The following WDR70 variants were observed in gnomAD, a reference collection of about 807,000 sequenced individuals.
WDR70 encodes WD repeat-containing protein 70.
A neutral mutation model predicts 88.6 loss-of-function variants in WDR70; 53 were observed. The observed-to-expected ratio is 0.60, with a 90% CI of 0.48 to 0.75. The LOEUF (loss-of-function observed/expected upper bound fraction) is 0.75, where lower values mean the gene tolerates loss of function less well. Ranked by LOEUF, WDR70 falls within the 30% of genes least tolerant of loss-of-function variation. The pLI, the probability that WDR70 is intolerant of heterozygous loss-of-function variation, is 0.00. For missense variants in WDR70, 610 were observed against 823.2 expected (o/e 0.74, Z 3.17); for synonymous variants, 280 against 270.0 (o/e 1.04, Z -0.36).
At chr5:37,432,563 AT>A (rs148199087) in intron 5 of WDR70, among the ~76,000 whole-genome samples, 27,218 of 140,402 alleles carry the variant, frequency 0.19, 5,528 homozygotes, top group African/African-American at 0.52. Context: ...TAATTTTTGT[AT>A]TTTTTTTTTT....
intron 17 of WDR70, among the ~76,000 whole-genome samples, chr5:37,747,008 G>A (rs1748655152): frequency 1.3e-5 from 2 of 152,252 alleles, no homozygotes; most frequent in Non-Finnish European, 1.5e-5. Flanking sequence ...GAACATTGAT[G>A]CAAAAATCCT....
At chr5:37,697,149 A>G (rs1747007662) in intron 10 of WDR70, among the ~76,000 whole-genome samples, 1 of 152,218 alleles carries the variant, frequency 6.6e-6, no homozygotes, top group African/African-American at 2.4e-5. Flanking sequence ...AGCGTTGTGT[A>G]AGGGTTAGCT....
At chr5:37,645,737 T>G (rs961475122) in intron 10 of WDR70, among the ~76,000 whole-genome samples, 2 of 152,164 alleles carry the variant, frequency 1.3e-5, no homozygotes, top group African/African-American at 4.8e-5. Flanking sequence ...TTTCTTTGTC[T>G]CTTACAGTTT....
At chr5:37,564,892 T>C (rs1294628981) in intron 9 of WDR70, among the ~76,000 whole-genome samples, 1 of 152,190 alleles carries the variant, frequency 6.6e-6, no homozygotes, top group Non-Finnish European at 1.5e-5. Flanking sequence ...AAAAAGAGTT[T>C]TTCTATTTAT....
At chr5:37,414,600 T>TG (rs1176856386) in intron 5 of WDR70, among the ~76,000 whole-genome samples, 3 of 144,874 alleles carry the variant, frequency 2.1e-5, no homozygotes, top group African/African-American at 8.4e-5. Context: ...GAGGACAGTC[T>TG]GTTTTTTTTT....
chr5:37,424,873 G>C (rs985998034), intron 5 of WDR70, among the ~76,000 whole-genome samples: 7 of 151,972 alleles, frequency 4.6e-5, no homozygotes, highest in African/African-American at 1.5e-4. Flanking sequence ...CATTGTTCTA[G>C]GTACCTAGAT....
At chr5:37,747,146 A>T (rs982745057) in intron 17 of WDR70, among the ~76,000 whole-genome samples, 1 of 152,198 alleles carries the variant, frequency 6.6e-6, no homozygotes, top group African/African-American at 2.4e-5. Flanking sequence ...AATCCATCAC[A>T]TAAACAGATC....
intron 10 of WDR70, among the ~76,000 whole-genome samples, chr5:37,652,340 A>T (rs984582805): frequency 6.6e-6 from 1 of 152,180 alleles, no homozygotes; most frequent in Non-Finnish European, 1.5e-5. Context: ...TGGTTACTGT[A>T]GTCTTGTAGT....
chr5:37,524,974 C>G (rs373687853), intron 9 of WDR70, among the ~76,000 whole-genome samples: 1 of 152,070 alleles, frequency 6.6e-6, no homozygotes, highest in African/African-American at 2.4e-5. Flanking sequence ...CCCAGATTCA[C>G]AAAGCAAGTC....
At chr5:37,676,287 G>T (rs1434872018) in intron 10 of WDR70, among the ~76,000 whole-genome samples, 1 of 151,532 alleles carries the variant, frequency 6.6e-6, no homozygotes, top group South Asian at 2.1e-4. Context: ...TAGGAGTGGT[G>T]AGAGAGGGCA....
At chr5:37,694,840 TATA>T (rs34298664) in intron 10 of WDR70, among the ~76,000 whole-genome samples, 39,039 of 149,586 alleles carry the variant, frequency 0.26, 5,357 homozygotes, top group Admixed American at 0.38. Context: ...TAACTTAAAG[TATA>T]ATAATAATAA....
intron 10 of WDR70, 39 bp from the exon 11 acceptor site, chr5:37,697,616 G>C (rs1747018970): frequency 6.5e-7 from 1 of 1,532,552 alleles, no homozygotes; most frequent in Non-Finnish European, 9.0e-7. Flanking sequence ...CTTCTGAATT[G>C]AGGTGAGATA....
At chr5:37,434,423 C>T (rs10941334) in intron 5 of WDR70, among the ~76,000 whole-genome samples, 33,562 of 152,160 alleles carry the variant, frequency 0.22, 4,475 homozygotes, top group East Asian at 0.47. Flanking sequence ...TTCTGGTTGC[C>T]TGCACTGGTA....
chr5:37,564,140 C>A (rs1176590856), intron 9 of WDR70, among the ~76,000 whole-genome samples: 1 of 150,438 alleles, frequency 6.6e-6, no homozygotes, highest in Admixed American at 6.6e-5. Context: ...TGGGCAGAGG[C>A]TGCAATCTCG....
intron 9 of WDR70, among the ~76,000 whole-genome samples, chr5:37,529,684 A>C (rs1741421039): frequency 6.6e-6 from 1 of 152,082 alleles, no homozygotes; most frequent in Non-Finnish European, 1.5e-5. Context: ...TGTATCCTGA[A>C]ACCTTACTGA....
chr5:37,745,958 TCAG>T (rs1748626083), intron 17 of WDR70, among the ~76,000 whole-genome samples: 1 of 152,142 alleles, frequency 6.6e-6, no homozygotes, highest in Non-Finnish European at 1.5e-5. Context: ...CTACCCCAAA[TCAG>T]CAGAATATAC....
intron 5 of WDR70, among the ~76,000 whole-genome samples, chr5:37,419,501 G>C (rs1353169748): frequency 2.0e-5 from 3 of 150,978 alleles, no homozygotes; most frequent in Non-Finnish European, 4.4e-5. Context: ...ACCGCGCCCA[G>C]CTGCTTTTCT....
At chr5:37,707,800 G>T (rs1419122676) in intron 13 of WDR70, among the ~76,000 whole-genome samples, 1 of 150,780 alleles carries the variant, frequency 6.6e-6, no homozygotes, top group Non-Finnish European at 1.5e-5. Flanking sequence ...TGTAATCCCA[G>T]CTACTCCATA....
At chr5:37,474,921 A>T (rs13182719) in intron 7 of WDR70, among the ~76,000 whole-genome samples, 130,077 of 152,068 alleles carry the variant, frequency 0.86, 59,225 homozygotes, top group East Asian at 1. Context: ...TATTATTTTT[A>T]TTATTTTTAT....
Sources: gnomAD v4.1 joint callset for allele counts (sites outside exome capture counted in the v4.1 genomes callset) on GRCh38, gnomAD v4.1.1 for gene constraint, MANE v1.5 for transcripts, NCBI Gene and HGNC (gene_info 2026-07-23, HGNC 2026-07-21) for gene names.